MYO3A: variants seen among roughly 807,000 people sequenced by gnomAD.
MYO3A encodes the protein myosin IIIA, also known as myosin-IIIa.
A neutral mutation model predicts 192.7 loss-of-function variants in MYO3A; 180 were observed. The observed-to-expected ratio is 0.93, with a 90% CI of 0.83 to 1.06. MYO3A has a LOEUF of 1.06. MYO3A is among the 50% of genes least tolerant of loss of function. The pLI is 0.00. For missense variants in MYO3A, 1,896 were observed against 1,905.0 expected (o/e 1.00, Z 0.09); for synonymous variants, 628 against 645.3 (o/e 0.97, Z 0.41).
At chr10:26,155,515 A>G (rs1407007244) in intron 25 of MYO3A, among the ~76,000 whole-genome samples, 2 of 152,206 alleles carry the variant, frequency 1.3e-5, no homozygotes, top group African/African-American at 2.4e-5. Flanking sequence ...TAAAACTTGG[A>G]GTTATTACTT....
chr10:26,199,190 G>A (rs1049082797), intron 32 of MYO3A, among the ~76,000 whole-genome samples: 7 of 152,008 alleles, frequency 4.6e-5, no homozygotes, highest in African/African-American at 1.5e-4. Context: ...ATTGTATAAC[G>A]ACTTATATTA....
chr10:25,983,225 T>G (rs1363722676), intron 4 of MYO3A, among the ~76,000 whole-genome samples: 1 of 151,678 alleles, frequency 6.6e-6, no homozygotes, highest in Non-Finnish European at 1.5e-5. Context: ...AAAACAAGGC[T>G]TTTTAATTAA....
chr10:26,126,117 T>C (rs1839201901), intron 19 of MYO3A, among the ~76,000 whole-genome samples: 1 of 152,154 alleles, frequency 6.6e-6, no homozygotes, highest in Non-Finnish European at 1.5e-5. Context: ...ATGTAGGTAA[T>C]AGTAAATGGC....
intron 5 of MYO3A, 89 bp downstream of exon 5, chr10:25,996,683 G>A (rs1840461852): frequency 1.0e-6 from 1 of 982,278 alleles, no homozygotes; most frequent in Non-Finnish European, 1.6e-6. Flanking sequence ...TGTCACTAGT[G>A]ATACTACATT....
chr10:26,106,612 A>AT (rs1381759091), intron 17 of MYO3A, among the ~76,000 whole-genome samples: 1 of 151,886 alleles, frequency 6.6e-6, no homozygotes, highest in African/African-American at 2.4e-5. Context: ...GTGTTTTGCT[A>AT]TTTTTTTGGA....
At chr10:25,989,868 T>C (rs1224713191) in intron 4 of MYO3A, among the ~76,000 whole-genome samples, 1 of 152,012 alleles carries the variant, frequency 6.6e-6, no homozygotes, top group Non-Finnish European at 1.5e-5. Context: ...GCCCCGTATG[T>C]CAGGGTGATG....
intron 15 of MYO3A, among the ~76,000 whole-genome samples, chr10:26,089,451 A>G (rs1291388987): frequency 6.6e-6 from 1 of 152,058 alleles, no homozygotes; most frequent in Non-Finnish European, 1.5e-5. Flanking sequence ...AATACAAAAA[A>G]TTAGCCGGGC....
intron 12 of MYO3A, 36 bp downstream of exon 12, chr10:26,068,920 A>T: frequency 8.0e-7 from 1 of 1,252,686 alleles, no homozygotes; most frequent in Middle Eastern, 1.9e-4. Flanking sequence ...TACTTCATAC[A>T]CATAATTATA....
intron 33 of MYO3A, among the ~76,000 whole-genome samples, chr10:26,201,783 A>G (rs1274824554): frequency 6.6e-6 from 1 of 152,240 alleles, no homozygotes; most frequent in African/African-American, 2.4e-5. Context: ...TGATTTATAT[A>G]TAATTTATAA....
At chr10:26,211,711 C>G (rs1844223641) in intron 34 of MYO3A, 132 bp from the exon 35 acceptor site, 27 of 1,369,152 alleles carry the variant, frequency 2.0e-5, no homozygotes, top group Admixed American at 6.7e-5. Flanking sequence ...CCAGTCGTTT[C>G]GATTGTGCCT....
At chr10:26,159,281 T>C (rs942180436) in intron 26 of MYO3A, among the ~76,000 whole-genome samples, 23 of 148,548 alleles carry the variant, frequency 1.5e-4, no homozygotes, top group African/African-American at 5.7e-4. Context: ...TGAGCCACTG[T>C]GCCTGGCCTA....
At chr10:26,077,565 G>T (rs181054155) in intron 14 of MYO3A, among the ~76,000 whole-genome samples, 4 of 152,034 alleles carry the variant, frequency 2.6e-5, no homozygotes, top group African/African-American at 7.2e-5. Flanking sequence ...GGGGATCCTT[G>T]TCTTGTTCCC....
rs556626112 is a variant in MYO3A, at chr10:26,005,386, C to G, written c.508+8128C>G. Among the ~76,000 whole-genome samples the G allele has an allele frequency of 2.6e-4, 39 of 152,240 alleles. 1 individual carries two copies. In the South Asian group the frequency reaches 7.9e-3, roughly 31 times the overall value. ...CCTCCAGATTGAAGGAGATTAGAAACTTGACAACTAAAAGCACCACATAAT... is the reference window on the plus strand; with the variant it reads ...CCTCCAGATTGAAGGAGATTAGAAAGTTGACAACTAAAAGCACCACATAAT... On this transcript the variant is annotated intron_variant, in intron 6 of 34. Coordinates refer to ENST00000642920, the MANE Select transcript of MYO3A (RefSeq NM_017433.5).
chr10:26,092,120 T>G (rs1836737120), intron 15 of MYO3A, among the ~76,000 whole-genome samples: 1 of 152,146 alleles, frequency 6.6e-6, no homozygotes, highest in Non-Finnish European at 1.5e-5. Context: ...GAGCTGTGAT[T>G]AAAAAGGAAA....
chr10:26,022,622 C>T (rs574088310), intron 8 of MYO3A: 17 of 152,164 alleles, frequency 1.1e-4, no homozygotes, highest in African/African-American at 3.6e-4. Flanking sequence ...GAATGGAAAA[C>T]CTCTATACTA....
intron 17 of MYO3A, among the ~76,000 whole-genome samples, chr10:26,103,083 C>T (rs1339916978): frequency 1.3e-5 from 2 of 152,230 alleles, no homozygotes; most frequent in African/African-American, 2.4e-5. Context: ...TGTTTACCTA[C>T]TCAAGCCTCA....
rs1841379177 is a variant in MYO3A, at chr10:26,008,361, A to G, written c.509-8459A>G. Among the ~76,000 whole-genome samples the G allele has an allele frequency of 1.3e-5, 2 of 148,712 alleles. 1 individual carries two copies. The highest frequency in any genetic ancestry group is 5.2e-5 in the African/African-American group (2 of 38,706). ...ATCTAAAACACCAAAAGCAATGGCA[A>G]CAAAAGCCAAAATTGACAAATGGGA... On this transcript the variant is annotated intron_variant, in intron 6 of 34. Coordinates refer to ENST00000642920, the MANE Select transcript of MYO3A (RefSeq NM_017433.5).
chr10:26,186,993 A>C (rs1298925528), intron 31 of MYO3A, among the ~76,000 whole-genome samples: 2 of 152,134 alleles, frequency 1.3e-5, no homozygotes, highest in African/African-American at 2.4e-5. Flanking sequence ...TTTATTACTT[A>C]TTTTATTTAC....
intron 4 of MYO3A, among the ~76,000 whole-genome samples, chr10:25,963,123 A>G (rs770928172): frequency 3.9e-5 from 6 of 152,184 alleles, no homozygotes; most frequent in Non-Finnish European, 7.3e-5. Flanking sequence ...CATTCATAAT[A>G]GTGACATTGC....
Sources: gnomAD v4.1 joint callset for allele counts (sites outside exome capture counted in the v4.1 genomes callset) on GRCh38, gnomAD v4.1.1 for gene constraint, MANE v1.5 for transcripts, NCBI Gene and HGNC (gene_info 2026-07-23, HGNC 2026-07-21) for gene names.